Variants in ANK3 observed in about 807,000 individuals in gnomAD.
ANK3 encodes the protein ankyrin 3.
ANK3 carries 57 observed loss-of-function variants against 370.9 expected under a neutral mutation model. The ratio of observed to expected loss-of-function variants is 0.15; its 90% CI spans 0.12 to 0.19. ANK3 has a LOEUF of 0.19. Ranked by LOEUF, ANK3 falls within the 10% of genes least tolerant of loss-of-function variation. The pLI, the probability that ANK3 is intolerant of heterozygous loss-of-function variation, is 1.00. For missense variants in ANK3, 4,439 were observed against 5,302.1 expected (o/e 0.84, Z 5.06); for synonymous variants, 1,929 against 1,946.3 (o/e 0.99, Z 0.23).
At chr10:60,650,164 C>T (rs1370520791) in intron 1 of ANK3, among the ~76,000 whole-genome samples, 3 of 152,288 alleles carry the variant, frequency 2.0e-5, no homozygotes, top group African/African-American at 7.2e-5. Context: ...ATTTGCTAAA[C>T]TTATGCTCTA....
At chr10:60,690,122 A>G (rs968428247) in intron 1 of ANK3, among the ~76,000 whole-genome samples, 1 of 152,226 alleles carries the variant, frequency 6.6e-6, no homozygotes, top group African/African-American at 2.4e-5. Context: ...TCGTTCCAAG[A>G]TGGCCGAATA....
intron 18 of ANK3, among the ~76,000 whole-genome samples, chr10:60,179,175 T>C (rs1221117095): frequency 6.6e-6 from 1 of 152,202 alleles, no homozygotes; most frequent in African/African-American, 2.4e-5. Context: ...TTCACAAAAT[T>C]AAGCAGCAAA....
intron 1 of ANK3, among the ~76,000 whole-genome samples, chr10:60,670,960 G>A (rs2079058133): frequency 6.6e-6 from 1 of 152,030 alleles, no homozygotes; most frequent in South Asian, 2.1e-4. Context: ...AGCCATATGA[G>A]GACACAATGT....
intron 1 of ANK3, among the ~76,000 whole-genome samples, chr10:60,315,432 A>G (rs1448279518): frequency 6.6e-6 from 1 of 152,148 alleles, no homozygotes; most frequent in East Asian, 1.9e-4. Context: ...CAAGAACCCA[A>G]GAAGAAGTTG....
chr10:60,260,435 T>C (rs2097787060), intron 7 of ANK3, among the ~76,000 whole-genome samples: 1 of 152,180 alleles, frequency 6.6e-6, no homozygotes, highest in Admixed American at 6.5e-5. Flanking sequence ...TATCTCCCTA[T>C]CTAATCTAGT....
intron 2 of ANK3, among the ~76,000 whole-genome samples, chr10:60,579,611 A>G (rs1419350982): frequency 6.6e-6 from 1 of 152,072 alleles, no homozygotes; most frequent in Non-Finnish European, 1.5e-5. Context: ...GTCATTATTA[A>G]CCCTCAGAGT....
intron 2 of ANK3, among the ~76,000 whole-genome samples, chr10:60,511,285 T>C (rs1378003082): frequency 6.6e-6 from 1 of 152,160 alleles, no homozygotes; most frequent in African/African-American, 2.4e-5. Context: ...ATGGGTATTT[T>C]GTTACTATGA....
chr10:60,667,244 G>A (rs1281243046), intron 1 of ANK3, among the ~76,000 whole-genome samples: 1 of 148,186 alleles, frequency 6.7e-6, no homozygotes, highest in Non-Finnish European at 1.5e-5. Context: ...GAAGAAAAGT[G>A]TAAGAGCCAC....
chr10:60,076,752 A>G (rs1477601470), intron 36 of ANK3, among the ~76,000 whole-genome samples: 2 of 152,174 alleles, frequency 1.3e-5, no homozygotes, highest in African/African-American at 4.8e-5. Flanking sequence ...AAACATGAGG[A>G]AAGAATTAAT....
At chr10:60,232,022 T>C (rs1254567511) in intron 8 of ANK3, among the ~76,000 whole-genome samples, 3 of 152,184 alleles carry the variant, frequency 2.0e-5, no homozygotes, top group Non-Finnish European at 4.4e-5. Context: ...GATTATTTCC[T>C]ATATTTGGTA....
At chr10:60,654,743 G>A (rs892315502) in intron 1 of ANK3, among the ~76,000 whole-genome samples, 1 of 146,992 alleles carries the variant, frequency 6.8e-6, no homozygotes, top group African/African-American at 2.4e-5. Context: ...TTGATTTATA[G>A]GTTTTTTTCC....
At chr10:60,627,787 G>A (rs1196033761) in intron 1 of ANK3, among the ~76,000 whole-genome samples, 2 of 151,970 alleles carry the variant, frequency 1.3e-5, no homozygotes, top group African/African-American at 4.8e-5. Context: ...TTGTATATCA[G>A]ACCCAATTCC....
chr10:60,349,073 G>A (rs1054913549), intron 1 of ANK3, among the ~76,000 whole-genome samples: 1 of 74,080 alleles, frequency 1.3e-5, no homozygotes, highest in East Asian at 4.5e-4. Context: ...ATGGGCTCAT[G>A]AGAAACACAG....
chr10:60,711,377 AAAAT>A (rs769089985), intron 1 of ANK3, among the ~76,000 whole-genome samples: 18 of 148,092 alleles, frequency 1.2e-4, no homozygotes, highest in Admixed American at 4.0e-4. Context: ...AAATTGAATA[AAAAT>A]AAATAAATAA....
At chr10:60,229,115 T>C (rs2097206357) in intron 8 of ANK3, among the ~76,000 whole-genome samples, 1 of 152,208 alleles carries the variant, frequency 6.6e-6, no homozygotes, top group African/African-American at 2.4e-5. Flanking sequence ...TTCTCTCGTG[T>C]TTTGAAAGCT....
At chr10:60,261,785 T>C (rs1482182499) in intron 7 of ANK3, 74 bp downstream of exon 7, 4 of 1,366,372 alleles carry the variant, frequency 2.9e-6, no homozygotes, top group Non-Finnish European at 4.1e-6. Context: ...TGTCCCAACA[T>C]CCTCATGTTG....
At chr10:60,279,765 AAAGTTCTTTGT>A in intron 1 of ANK3, 126 bp from the exon 2 acceptor site, 1 of 755,922 alleles carries the variant, frequency 1.3e-6, no homozygotes, top group Non-Finnish European at 2.1e-6. Context: ...AATATGAATA[AAAGTTCTTTGT>A]AAAAAGAACC....
intron 2 of ANK3, among the ~76,000 whole-genome samples, chr10:60,492,873 G>A (rs905381823): frequency 2.0e-5 from 3 of 150,564 alleles, no homozygotes; most frequent in Non-Finnish European, 3.0e-5. Flanking sequence ...TCAGGAGATC[G>A]AGACCATCCT....
intron 2 of ANK3, among the ~76,000 whole-genome samples, chr10:60,526,817 T>G (rs572908431): frequency 6.6e-6 from 1 of 152,256 alleles, no homozygotes; most frequent in South Asian, 2.1e-4. Context: ...TTTTTGCCCC[T>G]TTTTAATGCT....
Sources: gnomAD v4.1 joint callset for allele counts (sites outside exome capture counted in the v4.1 genomes callset) on GRCh38, gnomAD v4.1.1 for gene constraint, MANE v1.5 for transcripts, NCBI Gene and HGNC (gene_info 2026-07-23, HGNC 2026-07-21) for gene names.